The following DOCK1 variants were observed in gnomAD, a reference collection of about 807,000 sequenced individuals.
The protein encoded by DOCK1 is dedicator of cytokinesis 1.
In DOCK1, 138 loss-of-function variants were observed where a neutral mutation model predicts 262.7. The ratio of observed to expected loss-of-function variants is 0.53; its 90% CI spans 0.46 to 0.61. The LOEUF is 0.61. Among genes scored for constraint, DOCK1 ranks in the 20% least tolerant of loss-of-function variants. The pLI, the probability that DOCK1 is intolerant of heterozygous loss-of-function variation, is 0.00. For missense variants in DOCK1, 1,908 were observed against 2,370.7 expected, an observed-to-expected ratio of 0.80 and a Z score of 4.05; for synonymous variants, 866 against 867.4, an observed-to-expected ratio of 1.00 and a Z score of 0.03.
chr10:127,248,387 TG>T (rs1471431692), intron 28 of DOCK1, among the ~76,000 whole-genome samples: 6 of 152,190 alleles, frequency 3.9e-5, no homozygotes, highest in African/African-American at 1.4e-4. Flanking sequence ...TCTTCTCCTG[TG>T]CTTTGGGATA....
intron 22 of DOCK1, among the ~76,000 whole-genome samples, chr10:127,056,493 A>G (rs1295070935): frequency 6.6e-6 from 1 of 151,712 alleles, no homozygotes; most frequent in Non-Finnish European, 1.5e-5. Flanking sequence ...CCTGTACCCC[A>G]CTGATTCTGG....
At chr10:127,247,901 C>A in intron 27 of DOCK1, 107 bp from the exon 28 acceptor site, 2 of 1,058,164 alleles carry the variant, frequency 1.9e-6, no homozygotes, top group Non-Finnish European at 1.4e-6. Flanking sequence ...GCCCATGCCC[C>A]GTTGCTTCTC....
chr10:127,423,910 C>G (rs1397985973), intron 46 of DOCK1, among the ~76,000 whole-genome samples: 2 of 152,170 alleles, frequency 1.3e-5, no homozygotes, highest in South Asian at 2.1e-4. Flanking sequence ...CCTCTCCCAT[C>G]TCTGGGCTCT....
chr10:127,402,894 T>G (rs2067304153), intron 38 of DOCK1, among the ~76,000 whole-genome samples, 161 bp from the exon 39 acceptor site: 1 of 152,254 alleles, frequency 6.6e-6, no homozygotes, highest in African/African-American at 2.4e-5. Context: ...CCAAAAGACA[T>G]GAGACTCAAG....
At chr10:127,292,229 AG>A (rs765669810) in intron 29 of DOCK1, among the ~76,000 whole-genome samples, 17 of 146,098 alleles carry the variant, frequency 1.2e-4, no homozygotes, top group South Asian at 1.0e-3. Flanking sequence ...TTTTCGGGGG[AG>A]GGGGGGCCCA....
At chr10:126,961,495 C>A (rs2037215374) in intron 1 of DOCK1, among the ~76,000 whole-genome samples, 1 of 152,200 alleles carries the variant, frequency 6.6e-6, no homozygotes, top group African/African-American at 2.4e-5. Flanking sequence ...CTTCGTCCTC[C>A]CAGCCTCTGG....
intron 39 of DOCK1, among the ~76,000 whole-genome samples, chr10:127,403,921 A>G (rs1283398758): frequency 6.6e-6 from 1 of 152,232 alleles, no homozygotes; most frequent in African/African-American, 2.4e-5. Flanking sequence ...AATGTCTGTC[A>G]TGAATTTAGA....
At chr10:127,043,297 T>A in intron 21 of DOCK1, 133 bp downstream of exon 21, 1 of 713,072 alleles carries the variant, frequency 1.4e-6, no homozygotes, top group South Asian at 1.8e-5. Flanking sequence ...CTGGAATAAT[T>A]TTTAGTATTG....
At chr10:127,447,364 GC>G (rs750370710) in intron 50 of DOCK1, 29 bp from the exon 51 acceptor site, 1 of 1,600,622 alleles carries the variant, frequency 6.2e-7, no homozygotes, top group African/African-American at 1.3e-5. Context: ...GGGAAGTCGG[GC>G]TGATTTTAAA....
chr10:126,981,243 C>T (rs1367207551), intron 3 of DOCK1, among the ~76,000 whole-genome samples: 1 of 152,134 alleles, frequency 6.6e-6, no homozygotes, highest in Non-Finnish European at 1.5e-5. Context: ...GGCCTCGGAC[C>T]CAAACTCTTG....
intron 27 of DOCK1, among the ~76,000 whole-genome samples, chr10:127,236,434 G>A (rs894539247): frequency 6.9e-6 from 1 of 144,122 alleles, no homozygotes; most frequent in Non-Finnish European, 1.5e-5. Context: ...TTGGTATTTG[G>A]GTATCCAACT....
chr10:127,028,987 G>A (rs184299490), intron 16 of DOCK1, among the ~76,000 whole-genome samples: 2 of 152,274 alleles, frequency 1.3e-5, no homozygotes, highest in African/African-American at 2.4e-5. Context: ...TCAAAATTAC[G>A]CTCCCGTCTT....
intron 27 of DOCK1, among the ~76,000 whole-genome samples, chr10:127,143,050 C>A (rs555844810): frequency 6.6e-6 from 1 of 152,178 alleles, no homozygotes; most frequent in African/African-American, 2.4e-5. Context: ...TTTTGCAGAG[C>A]GGCATCCTTC....
Position 127,175,180 on chromosome 10 carries a change from T to G in DOCK1, c.2847+47416T>G. On this transcript the variant is annotated intron_variant, in intron 27 of 51. Transcript: ENST00000623213. This position sits in a 1 kb window ranked among gnomAD's most constrained non-coding sequence, Gnocchi z 6.3. The stretch of plus-strand genomic sequence containing the variant: ...TGGACTCTGTGGTGATCAGCCTGCA[T>G]AGCTTCCTAAGACATGGGTGAACAT... 2.6e-6 allele frequency: 4 copies of G among 1,562,642 alleles called. No individual in the cohort carries two copies. The highest frequency in any genetic ancestry group is 1.2e-5 in the South Asian group (1 of 83,686).
chr10:127,093,978 T>G (rs1416230333), intron 23 of DOCK1, among the ~76,000 whole-genome samples: 1 of 152,168 alleles, frequency 6.6e-6, no homozygotes, highest in Middle Eastern at 3.4e-3. Flanking sequence ...GGTGCCAAAC[T>G]CTCCCTTTTA....
intron 1 of DOCK1, among the ~76,000 whole-genome samples, chr10:126,966,978 A>G (rs2037723706): frequency 3.9e-5 from 6 of 152,086 alleles, no homozygotes; most frequent in Admixed American, 3.9e-4. Context: ...GCCATTATAA[A>G]ATGAAGATGG....
intron 10 of DOCK1, among the ~76,000 whole-genome samples, chr10:127,002,625 G>A: frequency 6.6e-6 from 1 of 152,120 alleles, no homozygotes; most frequent in East Asian, 1.9e-4. Context: ...AGAAGCCTGG[G>A]TTATTCACTG....
At chr10:127,125,151 T>C (rs2049869115) in intron 25 of DOCK1, among the ~76,000 whole-genome samples, 1 of 152,074 alleles carries the variant, frequency 6.6e-6, no homozygotes, top group African/African-American at 2.4e-5. Context: ...AAAAAACCCA[T>C]GTGTGTTTGT....
chr10:127,434,320 G>T (rs2069511847), intron 48 of DOCK1, among the ~76,000 whole-genome samples: 1 of 152,072 alleles, frequency 6.6e-6, no homozygotes, highest in South Asian at 2.1e-4. Context: ...AAAATAAAAG[G>T]CATATTATCC....
Sources: allele counts gnomAD v4.1 joint callset (sites outside exome capture counted in the v4.1 genomes callset), GRCh38; gene constraint gnomAD v4.1.1; non-coding constraint Gnocchi (gnomAD v3.1); transcripts MANE v1.5; gene names NCBI Gene and HGNC (gene_info 2026-07-23, HGNC 2026-07-21).